The following NOL4L variants were observed in gnomAD, a reference collection of about 807,000 sequenced individuals.
The protein encoded by NOL4L is nucleolar protein 4 like.
In NOL4L, 7 loss-of-function variants were observed where a neutral mutation model predicts 64.5. The ratio of observed to expected loss-of-function variants is 0.11; its 90% CI spans 0.06 to 0.20. NOL4L has a LOEUF of 0.20. NOL4L is among the 10% of genes least tolerant of loss of function. The pLI is 1.00. For missense variants in NOL4L, 680 were observed against 967.1 expected (o/e 0.70, Z 3.94); for synonymous variants, 413 against 401.0 (o/e 1.03, Z -0.36).
At chr20:32,509,887 G>C (rs773462131) in intron 4 of NOL4L, 39 of 1,304,192 alleles carry the variant, frequency 3.0e-5, no homozygotes, top group Non-Finnish European at 3.7e-5. Context: ...GGGCACAGAT[G>C]AGCACGGTGA....
intron 3 of NOL4L, among the ~76,000 whole-genome samples, chr20:32,517,460 G>A (rs1337689154): frequency 6.6e-6 from 1 of 152,228 alleles, no homozygotes; most frequent in Non-Finnish European, 1.5e-5. Context: ...GATAGGATCT[G>A]CAGGCTTTCA....
Position 32,447,234 on chromosome 20 carries a change from A to G in NOL4L, c.*362T>C. On this transcript the variant is annotated 3_prime_UTR_variant, in exon 11 of 11. Coordinates refer to ENST00000621426, the MANE Select transcript of NOL4L (RefSeq NM_001256798.2). Reference sequence around the variant, plus strand: ...AATAAATATGCAATTCTGCTCACCTAAGACTTGAAAGGTAATTATCTGGGG... The same window carrying G: ...AATAAATATGCAATTCTGCTCACCTGAGACTTGAAAGGTAATTATCTGGGG... The G allele has an allele frequency of 2.0e-6, 1 of 501,572 alleles. No individual in the cohort carries two copies. The allele number at this position is 501,572 out of a possible 1,614,324, so 31.1% of individuals were successfully genotyped here.
At position 32,447,565 on chromosome 20, in the gene NOL4L, C is replaced by T. The variant is rs2012406276; in HGVS notation, c.*31G>A. On this transcript the variant is annotated 3_prime_UTR_variant, in exon 11 of 11. Coordinates refer to ENST00000621426, the MANE Select transcript of NOL4L (RefSeq NM_001256798.2). ...GTCCAGGCTGGGACAGCCTCCTTCC[C>T]TAGGGCAGTGCGCTCCAGGTGCCGG... is the stretch of plus-strand genomic sequence containing the variant. The T allele has an allele frequency of 2.5e-6, 4 of 1,570,064 alleles. No individual in the cohort carries two copies. Among genetic ancestry groups the T allele is most frequent in the Admixed American group, 3.4e-5 (2 of 58,122 alleles).
At chr20:32,542,824 C>T (rs2145599217) in intron 1 of NOL4L, among the ~76,000 whole-genome samples, 1 of 152,344 alleles carries the variant, frequency 6.6e-6, no homozygotes. Context: ...TGCCGTGATT[C>T]ATTCCAAGCT....
chr20:32,555,517 C>T (rs1978594588), intron 1 of NOL4L, among the ~76,000 whole-genome samples: 1 of 151,760 alleles, frequency 6.6e-6, no homozygotes, highest in African/African-American at 2.4e-5. Flanking sequence ...AGGATGGTCT[C>T]AACCCCCTGG....
intron 4 of NOL4L, among the ~76,000 whole-genome samples, chr20:32,493,209 GGT>G (rs2016537082): frequency 6.6e-6 from 1 of 152,224 alleles, no homozygotes; most frequent in Admixed American, 6.5e-5. Context: ...AGGCTGTGGG[GGT>G]GTGAGACTAA....
At chr20:32,501,601 G>A (rs555420164) in intron 4 of NOL4L, among the ~76,000 whole-genome samples, 4 of 152,116 alleles carry the variant, frequency 2.6e-5, no homozygotes, top group Admixed American at 6.6e-5. Context: ...ACTGTGTGTC[G>A]AGGAGTGGGC....
intron 5 of NOL4L, 94 bp downstream of exon 5, chr20:32,474,507 C>G: frequency 7.0e-7 from 1 of 1,432,138 alleles, no homozygotes; most frequent in Non-Finnish European, 9.2e-7. Flanking sequence ...CAGATTCCGC[C>G]ACCCTGGAGT....
intron 1 of NOL4L, among the ~76,000 whole-genome samples, chr20:32,568,783 C>A (rs1483079296): frequency 6.6e-6 from 1 of 152,182 alleles, no homozygotes; most frequent in Non-Finnish European, 1.5e-5. Context: ...GCTGACCCTG[C>A]CAGGCTCCTG....
chr20:32,580,614 T>C (rs1373160577), intron 1 of NOL4L, among the ~76,000 whole-genome samples: 3 of 152,178 alleles, frequency 2.0e-5, no homozygotes, highest in Admixed American at 6.5e-5. Context: ...TCTCGAAGTT[T>C]CCCTTGGGGA....
At chr20:32,495,495 G>T (rs1278898408) in intron 4 of NOL4L, among the ~76,000 whole-genome samples, 1 of 152,206 alleles carries the variant, frequency 6.6e-6, no homozygotes, top group Non-Finnish European at 1.5e-5. Flanking sequence ...TCTGGGCTCC[G>T]TGCCCAGCAT....
At chr20:32,494,280 A>C (rs867361557) in intron 4 of NOL4L, among the ~76,000 whole-genome samples, 9 of 70,744 alleles carry the variant, frequency 1.3e-4, no homozygotes, top group Admixed American at 1.1e-3. Context: ...AAAAAAAAAA[A>C]AACACACAAC....
intron 4 of NOL4L, chr20:32,511,143 G>C: frequency 2.1e-6 from 1 of 482,798 alleles, no homozygotes; most frequent in South Asian, 3.4e-5. Context: ...AGACCTGCAG[G>C]GCTGTCTGCA....
chr20:32,547,617 C>T (rs2018749493), intron 1 of NOL4L, among the ~76,000 whole-genome samples: 1 of 152,144 alleles, frequency 6.6e-6, no homozygotes, highest in East Asian at 1.9e-4. Flanking sequence ...CTGTCCTAGG[C>T]TGTCCCTCAG....
At chr20:32,498,766 T>TTAAA (rs774598746) in intron 4 of NOL4L, among the ~76,000 whole-genome samples, 1 of 99,026 alleles carries the variant, frequency 1.0e-5, no homozygotes. Flanking sequence ...CCTGTCTCAA[T>TTAAA]AAAAAAAAAA....
chr20:32,544,482 G>T (rs2018705618), intron 1 of NOL4L, among the ~76,000 whole-genome samples: 1 of 152,146 alleles, frequency 6.6e-6, no homozygotes. Flanking sequence ...TTGTCCTGAA[G>T]GCAGTGGGGT....
intron 4 of NOL4L, among the ~76,000 whole-genome samples, chr20:32,500,602 G>A (rs575140246): frequency 5.5e-5 from 8 of 146,360 alleles, no homozygotes; most frequent in African/African-American, 1.5e-4. Context: ...GTCTCGATCC[G>A]ATATTTTGGT....
chr20:32,533,049 G>C (rs1442745545), intron 1 of NOL4L, among the ~76,000 whole-genome samples: 1 of 152,212 alleles, frequency 6.6e-6, no homozygotes, highest in Non-Finnish European at 1.5e-5. Flanking sequence ...TACTCAGGAT[G>C]CTGAGATGGG....
chr20:32,499,495 T>G (rs2016831543), intron 4 of NOL4L, among the ~76,000 whole-genome samples: 1 of 152,072 alleles, frequency 6.6e-6, no homozygotes, highest in African/African-American at 2.4e-5. Flanking sequence ...TCCCAGCACT[T>G]TGGGAGGCTG....
Sources: gnomAD v4.1 joint callset for allele counts (sites outside exome capture counted in the v4.1 genomes callset) on GRCh38, gnomAD v4.1.1 for gene constraint, MANE v1.5 for transcripts, NCBI Gene and HGNC (gene_info 2026-07-23, HGNC 2026-07-21) for gene names.